HMGCLL1: variants seen among roughly 807,000 people sequenced by gnomAD.
The protein encoded by HMGCLL1 is 3-hydroxymethyl-3-methylglutaryl-CoA lyase, cytoplasmic.
Under a neutral mutation model 39.1 loss-of-function variants are expected in HMGCLL1, and 36 were observed. The ratio of observed to expected loss-of-function variants is 0.92; its 90% CI spans 0.71 to 1.22. The LOEUF is 1.22. Ranked by LOEUF, HMGCLL1 falls within the 50% of genes most tolerant of loss-of-function variation. The pLI is 0.00. For missense variants in HMGCLL1, 451 were observed against 416.5 expected (o/e 1.08, Z -0.72); for synonymous variants, 149 against 144.0 (o/e 1.03, Z -0.25).
In HMGCLL1 at chr6:55,439,526, C is replaced by G; in HGVS notation, c.829G>C (p.Gly277Arg). 1 of 1,612,920 alleles carries G rather than the reference C, an allele frequency of 6.2e-7. No homozygotes were observed. Among genetic ancestry groups the G allele is most frequent in the Non-Finnish European group, 8.5e-7 (1 of 1,179,158 alleles). ...TTTGCATAAGGGCAGCCACCTAATC[C>G]GGATACTGCGGAGTCCACCACATTA... ...GINVVDSAVS[G>R]LGGCPYAKGA... is the part of the protein sequence containing the mutation. The change falls in exon 8 of 9, where the codon GGA (glycine) becomes CGA (arginine). Residue 277 changes from glycine to arginine, a missense_variant. By Grantham distance (125) the Gly-to-Arg change is moderately radical. Transcript: ENST00000274901.
intron 3 of HMGCLL1, among the ~76,000 whole-genome samples, chr6:55,529,047 T>C (rs1163565919): frequency 6.6e-6 from 1 of 152,150 alleles, no homozygotes; most frequent in Non-Finnish European, 1.5e-5. Flanking sequence ...TTTTATTCAA[T>C]AGCATTTCCT....
At position 55,535,884 on chromosome 6, in the gene HMGCLL1, C is replaced by A. The variant is rs545942266; in HGVS notation, c.297+5845G>T. On this transcript the variant is annotated intron_variant, in intron 3 of 8. Coordinates refer to ENST00000274901, the MANE Select transcript of HMGCLL1 (RefSeq NM_001042406.2). ...CTCTCTCTTTCAGCCCCTTCGTGCA[C>A]CCTCACATACACCTCGTCAAAATCA... 6.6e-5 allele frequency among the ~76,000 whole-genome samples: 10 copies of A among 152,272 alleles called. 1 individual carries two copies. In the South Asian group the frequency reaches 2.1e-3, roughly 32 times the overall value.
At chr6:55,596,881 G>GA in the HMGCLL1 span, among the ~76,000 whole-genome samples, 1 of 152,012 alleles carries the variant, frequency 6.6e-6, no homozygotes, top group Non-Finnish European at 1.5e-5. Flanking sequence ...TGTAGACATT[G>GA]AAAATCAATG....
chr6:55,498,969 A>C (rs1364188815), intron 6 of HMGCLL1, among the ~76,000 whole-genome samples: 1 of 152,078 alleles, frequency 6.6e-6, no homozygotes, highest in African/African-American at 2.4e-5. Flanking sequence ...CCACAAAAAA[A>C]CAAAATGTAT....
At chr6:55,453,946 T>A (rs1764215103) in intron 7 of HMGCLL1, among the ~76,000 whole-genome samples, 1 of 152,218 alleles carries the variant, frequency 6.6e-6, no homozygotes, top group Non-Finnish European at 1.5e-5. Context: ...TCATCTTTAG[T>A]GAAAGGTGAA....
chr6:55,654,131 AC>A, the HMGCLL1 span, among the ~76,000 whole-genome samples: 1 of 151,878 alleles, frequency 6.6e-6, no homozygotes, highest in African/African-American at 2.4e-5. Context: ...ACCTAATCCT[AC>A]CTTTCAGCGA....
At chr6:55,671,613 T>C in the HMGCLL1 span, among the ~76,000 whole-genome samples, 8 of 151,942 alleles carry the variant, frequency 5.3e-5, no homozygotes, top group Middle Eastern at 3.4e-3. Flanking sequence ...AGATTTTTCA[T>C]TTATTCATAT....
intron 7 of HMGCLL1, among the ~76,000 whole-genome samples, chr6:55,459,601 T>C (rs1328510164): frequency 1.3e-5 from 2 of 152,116 alleles, no homozygotes; most frequent in Non-Finnish European, 2.9e-5. Context: ...GGTACAAGTC[T>C]CCCAAAACAC....
chr6:55,626,116 C>T, the HMGCLL1 span, among the ~76,000 whole-genome samples: 1 of 152,106 alleles, frequency 6.6e-6, no homozygotes, highest in African/African-American at 2.4e-5. Flanking sequence ...GATATGACAC[C>T]ATTCCTTGGG....
the HMGCLL1 span, among the ~76,000 whole-genome samples, chr6:55,677,473 C>T: frequency 6.6e-6 from 1 of 152,208 alleles, no homozygotes; most frequent in South Asian, 2.1e-4. Context: ...TTACAATTTA[C>T]ACTTTTAACA....
the HMGCLL1 span, among the ~76,000 whole-genome samples, chr6:55,588,378 C>G: frequency 2.0e-5 from 3 of 151,480 alleles, no homozygotes; most frequent in African/African-American, 7.3e-5. Flanking sequence ...CACAACATAC[C>G]AGAATCTCTG....
chr6:55,494,282 G>T (rs767740899), intron 7 of HMGCLL1, among the ~76,000 whole-genome samples: 1 of 152,074 alleles, frequency 6.6e-6, no homozygotes, highest in African/African-American at 2.4e-5. Flanking sequence ...TACTCAAAGT[G>T]TTAAAATATA....
rs1767589427 is a variant in HMGCLL1 at position 55,513,783 on chromosome 6, T to C, written c.542+265A>G. ...GGGCTGCATTTGGGTGCTAGAGTGT[T>C]AATAAAATAGTTAATAATGCCAGAT... On this transcript the variant is annotated intron_variant, in intron 5 of 8. Coordinates refer to ENST00000274901, the MANE Select transcript of HMGCLL1 (RefSeq NM_001042406.2). 6.3e-6 allele frequency: 3 copies of C among 472,932 alleles called. No homozygotes were observed. In the Admixed American group the frequency reaches 1.3e-4, roughly 20 times the overall value. The allele number at this position is 472,932 out of a possible 1,614,324, so 29.3% of individuals were successfully genotyped here.
At chr6:55,636,707 AT>A in the HMGCLL1 span, among the ~76,000 whole-genome samples, 1 of 152,150 alleles carries the variant, frequency 6.6e-6, no homozygotes, top group Non-Finnish European at 1.5e-5. Flanking sequence ...CATTTTTCTC[AT>A]TGCAATTACA....
chr6:55,490,193 G>A (rs922985243), intron 7 of HMGCLL1, among the ~76,000 whole-genome samples: 2 of 152,088 alleles, frequency 1.3e-5, no homozygotes, highest in South Asian at 2.1e-4. Context: ...TATCAGATAC[G>A]TGTTGAAGAG....
At chr6:55,565,262 A>G (rs1771158896) in intron 1 of HMGCLL1, among the ~76,000 whole-genome samples, 1 of 152,000 alleles carries the variant, frequency 6.6e-6, no homozygotes, top group Non-Finnish European at 1.5e-5. Flanking sequence ...ATTTCCTTAT[A>G]TTGAAAGTGA....
intron 3 of HMGCLL1, among the ~76,000 whole-genome samples, chr6:55,532,809 T>G (rs1021905041): frequency 2.8e-4 from 2 of 7,038 alleles, no homozygotes; most frequent in Non-Finnish European, 7.4e-4. Flanking sequence ...TCAAACATAA[T>G]AATAATAATA....
chr6:55,589,763 C>T, the HMGCLL1 span, among the ~76,000 whole-genome samples: 1 of 152,072 alleles, frequency 6.6e-6, no homozygotes, highest in Non-Finnish European at 1.5e-5. Flanking sequence ...CAATAGCAGA[C>T]AAACAGAGAG....
At chr6:55,486,449 C>T (rs1320984923) in intron 7 of HMGCLL1, among the ~76,000 whole-genome samples, 1 of 151,972 alleles carries the variant, frequency 6.6e-6, no homozygotes, top group Non-Finnish European at 1.5e-5. Context: ...GGCAACTCTG[C>T]AGCATGTTTG....
Sources: gnomAD v4.1 joint callset for allele counts (sites outside exome capture counted in the v4.1 genomes callset) on GRCh38, gnomAD v4.1.1 for gene constraint, MANE v1.5 for transcripts, NCBI Gene and HGNC (gene_info 2026-07-23, HGNC 2026-07-21) for gene names.